The following NRXN1 variants were observed in gnomAD, a reference collection of about 807,000 sequenced individuals.
NRXN1 encodes neurexin 1.
Under a neutral mutation model 150.9 loss-of-function variants are expected in NRXN1, and 39 were observed. That is an observed-to-expected ratio of 0.26 (90% CI 0.20 to 0.34). The LOEUF is 0.34. Among genes scored for constraint, NRXN1 ranks in the 10% least tolerant of loss-of-function variants. The pLI is 1.00. For synonymous variants in NRXN1, 924 were observed against 757.0 expected (o/e 1.22, Z -3.62); for missense variants, 1,815 against 1,949.9 (o/e 0.93, Z 1.30).
At chr2:50,784,509 T>C (rs1273285903) in intron 5 of NRXN1, among the ~76,000 whole-genome samples, 1 of 152,004 alleles carries the variant, frequency 6.6e-6, no homozygotes, top group African/African-American at 2.4e-5. Flanking sequence ...TGAAAAAACA[T>C]GAAAATTCAT....
intron 2 of NRXN1, among the ~76,000 whole-genome samples, chr2:50,970,416 T>A (rs1694821321): frequency 6.6e-6 from 1 of 152,100 alleles, no homozygotes. Context: ...TATCAGGACA[T>A]TCTTCACTCA....
chr2:50,983,006 G>C (rs1160527738), intron 2 of NRXN1, among the ~76,000 whole-genome samples: 1 of 151,708 alleles, frequency 6.6e-6, no homozygotes, highest in Non-Finnish European at 1.5e-5. Flanking sequence ...AAATGTGTTG[G>C]TCAAGGAGTT....
Position 49,921,747 on chromosome 2 carries a change from T to C in NRXN1, c.*197A>G, listed in dbSNP as rs1668234731. ...TAGGGAATTTATTGGCCCCTGTTTT[T>C]TGTTTTTTGTTTTTCTTTTTTGAGA... is the stretch of plus-strand genomic sequence containing the variant. On this transcript the variant is annotated 3_prime_UTR_variant, in exon 23 of 23. Coordinates refer to ENST00000401669, the MANE Select transcript of NRXN1 (RefSeq NM_001330078.2). 3.4e-6 allele frequency: 2 copies of C among 596,206 alleles called. No homozygotes were observed. Among genetic ancestry groups the C allele is most frequent in the South Asian group, 2.2e-5 (1 of 44,664 alleles). The allele number at this position is 596,206 out of a possible 1,614,324, so 36.9% of individuals were successfully genotyped here.
rs1702030614 is a variant in NRXN1 at position 50,763,337 on chromosome 2, T to TAAAGATA, written c.833-139723_833-139722insTATCTTT. 2.0e-5 allele frequency among the ~76,000 whole-genome samples: 3 copies of TAAAGATA among 152,112 alleles called. No individual in the cohort carries two copies. In the South Asian group the frequency reaches 6.2e-4, roughly 32 times the overall value. On this transcript the variant is annotated intron_variant, in intron 5 of 22. Transcript: ENST00000401669. ...CTGCTATTTTACCATTGCTTGCCTG[T>TAAAGATA]AATTTAATTTATCTTGGCCTCAATT...
At chr2:50,270,416 G>A (rs2069437928) in intron 17 of NRXN1, among the ~76,000 whole-genome samples, 1 of 152,028 alleles carries the variant, frequency 6.6e-6, no homozygotes, top group East Asian at 1.9e-4. Flanking sequence ...CTTACCTTAA[G>A]TAGTATTACT....
In NRXN1 at chr2:49,999,789, T is replaced by G. The variant is rs531317682; in HGVS notation, c.4128+53482A>C. Among the ~76,000 whole-genome samples, 12 of 152,284 alleles carry G rather than the reference T, an allele frequency of 7.9e-5. No homozygotes were observed. In the East Asian group the frequency reaches 1.3e-3, roughly 17 times the overall value. ...TAAACATATATCATCTTCATATTCT[T>G]TAATTTCTAAAACCTTATTTCAAGA... On this transcript the variant is annotated intron_variant, in intron 21 of 22. Transcript: ENST00000401669.
At chr2:50,411,879 G>T (rs191621066) in intron 17 of NRXN1, among the ~76,000 whole-genome samples, 378 of 152,346 alleles carry the variant, frequency 2.5e-3, no homozygotes, top group African/African-American at 8.7e-3. Context: ...AGAAAAGGGG[G>T]AAATGTGGGG....
At chr2:50,442,480 C>G (rs2086042470) in intron 17 of NRXN1, among the ~76,000 whole-genome samples, 1 of 151,966 alleles carries the variant, frequency 6.6e-6, no homozygotes, top group Admixed American at 6.6e-5. Flanking sequence ...ACTGAGGCAC[C>G]ATTTTCTAAA....
intron 17 of NRXN1, among the ~76,000 whole-genome samples, chr2:50,237,739 T>G (rs1223187085): frequency 6.6e-6 from 1 of 151,966 alleles, no homozygotes; most frequent in Non-Finnish European, 1.5e-5. Flanking sequence ...CCAGCTTAAA[T>G]GAAAAGAGTC....
intron 21 of NRXN1, among the ~76,000 whole-genome samples, chr2:49,953,438 C>T (rs1250637584): frequency 6.6e-6 from 1 of 152,076 alleles, no homozygotes; most frequent in Non-Finnish European, 1.5e-5. Context: ...GAACTCCAAG[C>T]TTCTACACTT....
chr2:50,031,561 A>T (rs1689184303), intron 21 of NRXN1, among the ~76,000 whole-genome samples: 1 of 152,116 alleles, frequency 6.6e-6, no homozygotes. Context: ...AAATCTTTTA[A>T]CATGATGAAG....
chr2:50,258,814 G>C (rs1231517744), intron 17 of NRXN1, among the ~76,000 whole-genome samples: 1 of 151,950 alleles, frequency 6.6e-6, no homozygotes, highest in African/African-American at 2.4e-5. Flanking sequence ...GTGTTATCAA[G>C]GATAAAATTA....
At chr2:50,048,282 ATTAAT>A (rs1692152011) in intron 21 of NRXN1, among the ~76,000 whole-genome samples, 1 of 152,306 alleles carries the variant, frequency 6.6e-6, no homozygotes, top group South Asian at 2.1e-4. Context: ...AAAAATGTAC[ATTAAT>A]TTAAGTGAAT....
At chr2:50,104,670 G>T (rs1390430882) in intron 18 of NRXN1, among the ~76,000 whole-genome samples, 1 of 151,952 alleles carries the variant, frequency 6.6e-6, no homozygotes, top group Non-Finnish European at 1.5e-5. Context: ...TAAATGATGA[G>T]GAAGCTGAGC....
At chr2:50,479,868 G>T (rs527916637) in intron 15 of NRXN1, among the ~76,000 whole-genome samples, 2 of 138,624 alleles carry the variant, frequency 1.4e-5, no homozygotes, top group South Asian at 4.7e-4. Flanking sequence ...CCGCCTCCTG[G>T]GTTCAAGCAA....
chr2:50,295,459 T>G (rs984103453), intron 17 of NRXN1, among the ~76,000 whole-genome samples: 2 of 152,172 alleles, frequency 1.3e-5, no homozygotes, highest in African/African-American at 2.4e-5. Context: ...GAGTAAATAA[T>G]TGTTTAATAT....
At chr2:50,638,246 G>A (rs1484145116) in intron 5 of NRXN1, among the ~76,000 whole-genome samples, 1 of 152,210 alleles carries the variant, frequency 6.6e-6, no homozygotes, top group East Asian at 1.9e-4. Context: ...CAATATTGGG[G>A]TGGATCTCTT....
chr2:50,663,747 C>T (rs2104663702), intron 5 of NRXN1, among the ~76,000 whole-genome samples: 1 of 152,100 alleles, frequency 6.6e-6, no homozygotes, highest in South Asian at 2.1e-4. Flanking sequence ...ATGAATCATC[C>T]AGAATTCACA....
At chr2:50,509,900 G>A (rs1045132460) in intron 12 of NRXN1, among the ~76,000 whole-genome samples, 1 of 152,044 alleles carries the variant, frequency 6.6e-6, no homozygotes, top group African/African-American at 2.4e-5. Flanking sequence ...ATATGATTAG[G>A]TTTAGATAAG....
Sources: gnomAD v4.1 joint callset for allele counts (sites outside exome capture counted in the v4.1 genomes callset) on GRCh38, gnomAD v4.1.1 for gene constraint, MANE v1.5 for transcripts, NCBI Gene and HGNC (gene_info 2026-07-23, HGNC 2026-07-21) for gene names.